The following STX8 variants were observed in gnomAD, a reference collection of about 807,000 sequenced individuals.
STX8 encodes the protein syntaxin-8.
Under a neutral mutation model 37.5 loss-of-function variants are expected in STX8, and 23 were observed. The ratio of observed to expected loss-of-function variants is 0.61; its 90% CI spans 0.44 to 0.87. The LOEUF is 0.87. Among genes scored for constraint, STX8 ranks in the 40% least tolerant of loss-of-function variants. The pLI is 0.00. For synonymous variants in STX8, 115 were observed against 99.1 expected (o/e 1.16, Z -0.95); for missense variants, 313 against 284.7 (o/e 1.10, Z -0.71).
intron 7 of STX8, among the ~76,000 whole-genome samples, chr17:9,334,255 T>C (rs1325283026): frequency 6.6e-6 from 1 of 152,068 alleles, no homozygotes; most frequent in African/African-American, 2.4e-5. Flanking sequence ...GTCCTGACTG[T>C]AGGAGCAGTT....
At chr17:9,381,320 T>C (rs1486936892) in intron 6 of STX8, among the ~76,000 whole-genome samples, 1 of 152,018 alleles carries the variant, frequency 6.6e-6, no homozygotes, top group South Asian at 2.1e-4. Flanking sequence ...TGCTGTTCAA[T>C]ACCAGTCACC....
At chr17:9,517,867 A>G (rs1905201211) in intron 4 of STX8, among the ~76,000 whole-genome samples, 1 of 151,848 alleles carries the variant, frequency 6.6e-6, no homozygotes, top group Non-Finnish European at 1.5e-5. Flanking sequence ...GAAGAAAGGA[A>G]GAGATGGTAA....
chr17:9,412,690 T>C lies in STX8; in HGVS notation c.542-34037A>G, dbSNP rs548860712. On this transcript the variant is annotated intron_variant, in intron 6 of 7. Transcript: ENST00000306357. Reference sequence around the variant, plus strand: ...CACCCAGGCTCTCCATCCTATGCCATAGATCACCATAACTGATGTGCCCTC... The same window carrying C: ...CACCCAGGCTCTCCATCCTATGCCACAGATCACCATAACTGATGTGCCCTC... 2.6e-3 allele frequency among the ~76,000 whole-genome samples: 389 copies of C among 152,324 alleles called. 4 individuals are homozygous for C. The highest frequency in any genetic ancestry group is 4.8e-3 in the Non-Finnish European group (327 of 68,022).
At chr17:9,400,415 T>A (rs1027193325) in intron 6 of STX8, among the ~76,000 whole-genome samples, 7 of 150,644 alleles carry the variant, frequency 4.6e-5, no homozygotes, top group African/African-American at 4.9e-5. Context: ...ATTTATTTTT[T>A]TTTTTTTGAG....
chr17:9,430,649 C>CTTTTTTTT (rs34803730), intron 6 of STX8, among the ~76,000 whole-genome samples: 2 of 120,904 alleles, frequency 1.7e-5, no homozygotes. Flanking sequence ...GTGGTTTTGG[C>CTTTTTTTT]TTTTTTTTTT....
At chr17:9,536,888 C>T (rs903849069) in intron 4 of STX8, among the ~76,000 whole-genome samples, 1 of 152,028 alleles carries the variant, frequency 6.6e-6, no homozygotes, top group African/African-American at 2.4e-5. Flanking sequence ...GGATTACAAG[C>T]GCCCGCCACC....
intron 7 of STX8, among the ~76,000 whole-genome samples, chr17:9,262,596 T>C (rs1289839254): frequency 6.6e-6 from 1 of 152,128 alleles, no homozygotes; most frequent in East Asian, 1.9e-4. Flanking sequence ...TTTTTTGTTT[T>C]TTTTGAGACA....
intron 7 of STX8, among the ~76,000 whole-genome samples, chr17:9,263,545 C>T (rs1907122633): frequency 6.6e-6 from 1 of 152,180 alleles, no homozygotes; most frequent in Non-Finnish European, 1.5e-5. Flanking sequence ...TCTTAAATGT[C>T]TTTCACAGAG....
rs1171106573 is a variant in STX8 at position 9,513,969 on chromosome 17, CA to C, written c.324-8808del. On this transcript the variant is annotated intron_variant, in intron 4 of 7. Transcript: ENST00000306357. ...CTTACTCATACGCAGAAGCTAAAAA[CA>C]AAAGTTGATCTCATAGAAGTAAAAA... Among the ~76,000 whole-genome samples, 9 of 152,192 alleles carry C rather than the reference CA, an allele frequency of 5.9e-5. No individual in the cohort carries two copies. In the East Asian group the frequency reaches 1.7e-3, roughly 29 times the overall value.
At chr17:9,547,638 AAG>A (rs1285763725) in intron 3 of STX8, among the ~76,000 whole-genome samples, 1 of 130,138 alleles carries the variant, frequency 7.7e-6, no homozygotes, top group East Asian at 2.2e-4. Context: ...AAAAAAAAAA[AAG>A]AAAAAAGAAA....
rs139192425 is a variant in STX8, at chr17:9,572,333, G to A, written c.17+3459C>T. Among the ~76,000 whole-genome samples the A allele has an allele frequency of 1.0e-3, 155 of 152,274 alleles. 3 individuals carry two copies. Among genetic ancestry groups the A allele is most frequent in the African/African-American group, 3.5e-3 (146 of 41,550 alleles). On this transcript the variant is annotated intron_variant, in intron 1 of 7. Coordinates refer to ENST00000306357, the MANE Select transcript of STX8 (RefSeq NM_004853.3). ...ATTCCATTGCTAGACACTGAGGGAG[G>A]TGCCAATGACCTATGATTTTAGCAA...
At chr17:9,434,004 T>C (rs1407263811) in intron 6 of STX8, among the ~76,000 whole-genome samples, 1 of 109,964 alleles carries the variant, frequency 9.1e-6, no homozygotes, top group Non-Finnish European at 1.8e-5. Context: ...CTTTAGTATG[T>C]CAGGATCTTT....
intron 7 of STX8, among the ~76,000 whole-genome samples, chr17:9,359,809 G>A (rs1911004393): frequency 6.6e-6 from 1 of 151,978 alleles, no homozygotes; most frequent in Admixed American, 6.6e-5. Flanking sequence ...TGCCTGGACT[G>A]TGATAGGAGT....
At chr17:9,435,457 G>A (rs757091004) in intron 6 of STX8, among the ~76,000 whole-genome samples, 7 of 152,152 alleles carry the variant, frequency 4.6e-5, no homozygotes, top group African/African-American at 1.2e-4. Context: ...ACCCATATAC[G>A]TCAGTTTCTG....
intron 6 of STX8, among the ~76,000 whole-genome samples, chr17:9,430,084 A>ATATTCTATATAATATATG (rs1913891451): frequency 1.4e-5 from 1 of 70,012 alleles, no homozygotes; most frequent in African/African-American, 5.4e-5. Flanking sequence ...TATAATATAT[A>ATATTCTATATAATATATG]TATTCTATAT....
At position 9,299,230 on chromosome 17, in the gene STX8, GTTTTCCACA is replaced by G. The variant is rs535880356; in HGVS notation, c.644-48594_644-48586del. Among the ~76,000 whole-genome samples the G allele has an allele frequency of 4.2e-3, 639 of 152,196 alleles. 6 individuals are homozygous for G. The highest frequency in any genetic ancestry group is 0.014 in the African/African-American group (601 of 41,536). The stretch of plus-strand genomic sequence containing the variant: ...TCTCCCGGATGCATAGCTCATCATA[GTTTTCCACA>G]TTTTTTTTGTGAATTCCAACTTCAG... On this transcript the variant is annotated intron_variant, in intron 7 of 7. Coordinates refer to ENST00000306357, the MANE Select transcript of STX8 (RefSeq NM_004853.3).
At position 9,389,621 on chromosome 17, in the gene STX8, C is replaced by T. The variant is rs1416694625; in HGVS notation, c.542-10968G>A. ...CTCTCAATTACAGCCTCAATACATTCTATATATAGGGAGAGAGTTTGCTAT... is the reference window on the plus strand; with the variant it reads ...CTCTCAATTACAGCCTCAATACATTTTATATATAGGGAGAGAGTTTGCTAT... On this transcript the variant is annotated intron_variant, in intron 6 of 7. Coordinates refer to ENST00000306357, the MANE Select transcript of STX8 (RefSeq NM_004853.3). Among the ~76,000 whole-genome samples the T allele has an allele frequency of 2.0e-5, 3 of 151,956 alleles. No homozygotes were observed. In the South Asian group the frequency reaches 6.2e-4, roughly 32 times the overall value.
chr17:9,400,166 G>C (rs1305923899), intron 6 of STX8, among the ~76,000 whole-genome samples: 6 of 149,252 alleles, frequency 4.0e-5, no homozygotes, highest in East Asian at 4.1e-4. Context: ...GCAGTGGCGC[G>C]ATCTTGGCTA....
At chr17:9,495,839 C>T (rs1904377126) in intron 5 of STX8, among the ~76,000 whole-genome samples, 1 of 152,198 alleles carries the variant, frequency 6.6e-6, no homozygotes, top group African/African-American at 2.4e-5. Flanking sequence ...GGTGGTATGG[C>T]TATCTTAGAG....
Sources: allele counts gnomAD v4.1 joint callset (sites outside exome capture counted in the v4.1 genomes callset), GRCh38; gene constraint gnomAD v4.1.1; transcripts MANE v1.5; gene names NCBI Gene and HGNC (gene_info 2026-07-23, HGNC 2026-07-21).